Variants in SENP1 observed in about 807,000 individuals in gnomAD.
SENP1 encodes sentrin-specific protease 1.
In SENP1, 21 loss-of-function variants were observed where a neutral mutation model predicts 93.0. That is an observed-to-expected ratio of 0.23 (90% CI 0.16 to 0.33). The LOEUF is 0.33. Among genes scored for constraint, SENP1 ranks in the 10% least tolerant of loss-of-function variants. The probability of loss-of-function intolerance (pLI) is 1.00; values close to 1 mark genes in which losing one functional copy is unlikely to be tolerated. For synonymous variants in SENP1, 256 were observed against 259.6 expected (o/e 0.99, Z 0.13); for missense variants, 591 against 758.7 (o/e 0.78, Z 2.60).
intron 3 of SENP1, 34 bp from the exon 4 acceptor site, chr12:48,096,461 T>C: frequency 3.0e-6 from 1 of 329,322 alleles, no homozygotes; most frequent in Non-Finnish European, 4.6e-6. Flanking sequence ...TTAAGTCACA[T>C]TTTTTTTTTT....
At chr12:48,051,712 G>C (rs892742518) in intron 13 of SENP1, among the ~76,000 whole-genome samples, 4 of 152,200 alleles carry the variant, frequency 2.6e-5, no homozygotes, top group African/African-American at 9.6e-5. Flanking sequence ...CAAGATGAAA[G>C]AGGAGCAGTG....
rs185567641 is a variant in SENP1, at chr12:48,044,387, T to C, written c.*935A>G. Reference sequence around the variant, plus strand: ...ATATATATATATATGTATGTGTATATATATATGTATATATATATGAAATTC... The same window carrying C: ...ATATATATATATATGTATGTGTATACATATATGTATATATATATGAAATTC... On this transcript the variant is annotated 3_prime_UTR_variant, in exon 18 of 18. Transcript: ENST00000549518. The C allele has an allele frequency of 1.3e-5, 2 of 149,712 alleles. No homozygotes were observed. Among genetic ancestry groups the C allele is most frequent in the African/African-American group, 2.4e-5 (1 of 40,970 alleles). 9.3% of individuals were successfully genotyped at this position (149,712 alleles called of 1,614,324 possible).
At chr12:48,105,157 T>A (rs780558808) in intron 1 of SENP1, 2 of 284,980 alleles carry the variant, frequency 7.0e-6, no homozygotes, top group African/African-American at 4.3e-5. Context: ...ATAAAAGGCT[T>A]TATATGAATA....
chr12:48,105,426 A>C (rs1565824094), intron 1 of SENP1: 1 of 519,058 alleles, frequency 1.9e-6, no homozygotes, highest in East Asian at 5.4e-5. Flanking sequence ...CCAGGTAAGC[A>C]AATTGTGGCA....
At chr12:48,082,365 G>T (rs1274894968) in intron 6 of SENP1, among the ~76,000 whole-genome samples, 1 of 152,156 alleles carries the variant, frequency 6.6e-6, no homozygotes, top group Non-Finnish European at 1.5e-5. Flanking sequence ...CCATATTGCT[G>T]TGTTGTATAA....
Position 48,063,759 on chromosome 12 carries a change from G to A in SENP1, c.1358C>T (p.Thr453Ile). The A allele has an allele frequency of 6.2e-7, 1 of 1,613,204 alleles. No individual in the cohort carries two copies. The highest frequency in any genetic ancestry group is 8.5e-7 in the Non-Finnish European group (1 of 1,179,470). The change falls in exon 13 of 18, where the codon ACA becomes ATA. Residue 453 changes from threonine (T) to isoleucine (I), a missense_variant. Thr to Ile is a moderately conservative substitution (Grantham distance 89). Around this residue, in one of 4 missense-constraint regions of SENP1, gnomAD observed 238 missense variants for 259.1 expected, o/e 0.92. Coordinates refer to ENST00000549518, the MANE Select transcript of SENP1 (RefSeq NM_001267594.2). ...GTTTAGAGTTTGAATATCTTTGCGT[G>A]TAATGGTCAGGCGAAATGCTTCACT... ...VLSEAFRLTI[T>I]RKDIQTLNHL...
At chr12:48,080,844 T>C (rs943508839) in intron 6 of SENP1, among the ~76,000 whole-genome samples, 2 of 152,162 alleles carry the variant, frequency 1.3e-5, no homozygotes, top group Non-Finnish European at 2.9e-5. Flanking sequence ...CAGGCAAAAT[T>C]TCCCGCATCG....
chr12:48,053,586 T>C (rs1199247272), intron 13 of SENP1, among the ~76,000 whole-genome samples: 1 of 152,020 alleles, frequency 6.6e-6, no homozygotes, highest in Non-Finnish European at 1.5e-5. Flanking sequence ...CCCCATAAAG[T>C]TTTGCTTCTT....
At chr12:48,064,525 T>C (rs1339392464) in intron 12 of SENP1, among the ~76,000 whole-genome samples, 1 of 152,242 alleles carries the variant, frequency 6.6e-6, no homozygotes, top group African/African-American at 2.4e-5. Context: ...AAGACAAATG[T>C]ATTAAATGCT....
At chr12:48,096,206 C>A in intron 4 of SENP1, 137 bp downstream of exon 4, 1 of 558,840 alleles carries the variant, frequency 1.8e-6, no homozygotes, top group South Asian at 2.4e-5. Context: ...AAAAGCCATT[C>A]AAATGATGTT....
At chr12:48,048,788 T>C in intron 14 of SENP1, 141 bp downstream of exon 14, 3 of 625,920 alleles carry the variant, frequency 4.8e-6, no homozygotes, top group Non-Finnish European at 5.6e-6. Flanking sequence ...TTCATAGATC[T>C]ATCTGATTTT....
intron 13 of SENP1, chr12:48,055,138 G>A: frequency 3.8e-6 from 1 of 260,754 alleles, no homozygotes; most frequent in South Asian, 6.1e-5. Context: ...CTTGCGCTTG[G>A]CAGGGGAGCC....
intron 10 of SENP1, among the ~76,000 whole-genome samples, chr12:48,065,944 C>T (rs1328362779): frequency 6.6e-6 from 1 of 152,110 alleles, no homozygotes. Context: ...CTCAAGCGAC[C>T]CCCCTACCTT....
intron 4 of SENP1, among the ~76,000 whole-genome samples, chr12:48,096,132 A>G (rs1362974500): frequency 6.6e-6 from 1 of 152,236 alleles, no homozygotes; most frequent in Non-Finnish European, 1.5e-5. Context: ...ACACTTTCCC[A>G]CTAGAAAACC....
At chr12:48,057,646 T>C (rs2136897607) in intron 13 of SENP1, among the ~76,000 whole-genome samples, 1 of 150,132 alleles carries the variant, frequency 6.7e-6, no homozygotes, top group East Asian at 1.9e-4. Flanking sequence ...AGTCTTGCTC[T>C]GTCATCCAGG....
At chr12:48,058,320 T>C (rs915108043) in intron 13 of SENP1, among the ~76,000 whole-genome samples, 4 of 152,196 alleles carry the variant, frequency 2.6e-5, no homozygotes, top group African/African-American at 9.7e-5. Flanking sequence ...TTGGACAATG[T>C]TGACGTAGAT....
chr12:48,092,806 G>A (rs1033661167), intron 4 of SENP1, among the ~76,000 whole-genome samples: 5 of 152,152 alleles, frequency 3.3e-5, no homozygotes, highest in Non-Finnish European at 5.9e-5. Context: ...CAACAATTAC[G>A]TAACTGAGTA....
intron 1 of SENP1, chr12:48,105,787 A>G: frequency 3.4e-6 from 2 of 581,038 alleles, no homozygotes; most frequent in East Asian, 5.8e-5. Context: ...CCCAGGAGAG[A>G]GAGACCAGAA....
intron 6 of SENP1, among the ~76,000 whole-genome samples, chr12:48,082,914 A>G (rs1944586892): frequency 6.6e-6 from 1 of 151,450 alleles, no homozygotes; most frequent in South Asian, 2.1e-4. Flanking sequence ...TAAAAAAACA[A>G]TTTTTTTTTG....
Sources: allele counts gnomAD v4.1 joint callset (sites outside exome capture counted in the v4.1 genomes callset), GRCh38; gene constraint gnomAD v4.1.1; regional missense constraint gnomAD v4.1.1; transcripts MANE v1.5; gene names NCBI Gene and HGNC (gene_info 2026-07-23, HGNC 2026-07-21).